The following GRIN2D variants were observed in gnomAD, a reference collection of about 807,000 sequenced individuals.
GRIN2D encodes glutamate receptor ionotropic, NMDA 2D.
A neutral mutation model predicts 103.2 loss-of-function variants in GRIN2D; 37 were observed. The observed-to-expected ratio is 0.36, with a 90% CI of 0.28 to 0.47. GRIN2D has a LOEUF of 0.47. Ranked by LOEUF, GRIN2D falls within the 20% of genes least tolerant of loss-of-function variation. The pLI is 1.00. For synonymous variants in GRIN2D, 845 were observed against 885.6 expected (o/e 0.95, Z 0.81); for missense variants, 1,557 against 1,910.6 (o/e 0.81, Z 3.45).
At position 48,414,229 on chromosome 19, in the gene GRIN2D, C is replaced by A; in HGVS notation, c.1200+124C>A. Reference sequence around the variant, plus strand: ...GACAAGGAGCCTGGACTCCTGGGTCCTGGGATCTGAAGGTGGGAGGGGCTC... The same window carrying A: ...GACAAGGAGCCTGGACTCCTGGGTCATGGGATCTGAAGGTGGGAGGGGCTC... On this transcript the variant is annotated intron_variant, in intron 5 of 13. Coordinates refer to ENST00000263269, the MANE Select transcript of GRIN2D (RefSeq NM_000836.4). This position sits in a 1 kb window ranked among gnomAD's most constrained non-coding sequence, Gnocchi z 4.6. 1 of 895,298 alleles carries A rather than the reference C, an allele frequency of 1.1e-6. No individual in the cohort carries two copies. The highest frequency in any genetic ancestry group is 1.8e-6 in the Non-Finnish European group (1 of 564,662). 55.5% of individuals were successfully genotyped at this position (895,298 alleles called of 1,614,324 possible).
chr19:48,409,731 C>T (rs1228727008), intron 4 of GRIN2D, among the ~76,000 whole-genome samples: 1 of 152,022 alleles, frequency 6.6e-6, no homozygotes, highest in South Asian at 2.1e-4. Context: ...GTTGCAGGGC[C>T]CAGCTTGTGA....
intron 9 of GRIN2D, 27 bp downstream of exon 9, chr19:48,419,386 C>T: frequency 6.3e-7 from 1 of 1,584,186 alleles, no homozygotes; most frequent in Non-Finnish European, 8.5e-7. Context: ...CCATCCCCCG[C>T]CTCGGAGATC....
At chr19:48,410,305 G>A (rs1280449014) in intron 4 of GRIN2D, among the ~76,000 whole-genome samples, 2 of 150,314 alleles carry the variant, frequency 1.3e-5, no homozygotes, top group Non-Finnish European at 3.0e-5. Context: ...CGAGGCGGGC[G>A]GATCACGAGG....
chr19:48,404,544 A>C (rs1018143507), intron 3 of GRIN2D, among the ~76,000 whole-genome samples, 190 bp from the exon 4 acceptor site: 1 of 152,200 alleles, frequency 6.6e-6, no homozygotes, highest in African/African-American at 2.4e-5. Context: ...TTTATGGATG[A>C]GTCTAGAATA....
intron 3 of GRIN2D, among the ~76,000 whole-genome samples, chr19:48,404,026 G>T (rs12983597): frequency 0.25 from 38,229 of 152,050 alleles, 5,168 homozygotes; most frequent in East Asian, 0.51. Flanking sequence ...GATCATCTGA[G>T]GTCAGGAGTT....
rs1334541206 is a variant in GRIN2D, at chr19:48,444,714, C to G, written c.*777C>G. The G allele has an allele frequency of 6.6e-6, 1 of 152,624 alleles. No individual in the cohort carries two copies. Among genetic ancestry groups the G allele is most frequent in the Non-Finnish European group, 1.5e-5 (1 of 68,262 alleles). 9.5% of individuals were successfully genotyped at this position (152,624 alleles called of 1,614,324 possible). A position where few individuals can be genotyped will look rare whatever the true frequency, so the allele number is the denominator to read the frequency against. On this transcript the variant is annotated 3_prime_UTR_variant, in exon 14 of 14. Transcript: ENST00000263269. This position sits in a 1 kb window ranked among gnomAD's most constrained non-coding sequence, Gnocchi z 5.5. ...ACCTCCGGACCACCCCACTTGCCACCAAGCACATCCTCTCCAAATCCAACC... is the reference window on the plus strand; with the variant it reads ...ACCTCCGGACCACCCCACTTGCCACGAAGCACATCCTCTCCAAATCCAACC...
Position 48,442,997 on chromosome 19 carries a change from TC to T in GRIN2D, c.3075del (p.Gly1026AlafsTer492). The T allele has an allele frequency of 2.8e-6, 3 of 1,065,516 alleles. No individual in the cohort carries two copies. Among genetic ancestry groups the T allele is most frequent in the South Asian group, 3.3e-5 (1 of 30,214 alleles). 66.0% of individuals were successfully genotyped at this position (1,065,516 alleles called of 1,614,324 possible). On this transcript the variant is annotated frameshift_variant, in exon 14 of 14. Transcript: ENST00000263269. LOFTEE classifies it high-confidence loss of function. This position sits in a 1 kb window ranked among gnomAD's most constrained non-coding sequence, Gnocchi z 7.2. ...KEPAEPPAGA[F>X]PGFPSPPAPP... The stretch of plus-strand genomic sequence containing the variant: ...CCAGCCGAGCCCCCCGCCGGCGCCT[TC>T]CCCGGCTTCCCGTCGCCGCCCGCGC...
intron 3 of GRIN2D, among the ~76,000 whole-genome samples, chr19:48,403,757 C>T (rs1970746927): frequency 6.6e-6 from 1 of 152,222 alleles, no homozygotes; most frequent in African/African-American, 2.4e-5. Flanking sequence ...ATACCATCAG[C>T]ACCCTCATTG....
intron 11 of GRIN2D, among the ~76,000 whole-genome samples, chr19:48,434,536 G>C (rs1971204906): frequency 6.6e-6 from 1 of 152,070 alleles, no homozygotes; most frequent in Non-Finnish European, 1.5e-5. Context: ...GGGATTACAG[G>C]CGTGAGCCAC....
intron 4 of GRIN2D, among the ~76,000 whole-genome samples, chr19:48,413,219 A>G (rs1970898512): frequency 6.9e-6 from 1 of 145,592 alleles, no homozygotes; most frequent in Admixed American, 7.0e-5. Context: ...TCATGCCTGT[A>G]ATCCCAACAC....
chr19:48,442,401 G>A lies in GRIN2D; in HGVS notation c.2673+19G>A, dbSNP rs1569074599. ...CTCCAGGGTATGGGGCAGAGAGGGA[G>A]GCAGAGAGGGGGAGATGGCAGGGGC... On this transcript the variant is annotated intron_variant, in intron 13 of 13. Coordinates refer to ENST00000263269, the MANE Select transcript of GRIN2D (RefSeq NM_000836.4). This position sits in a 1 kb window ranked among gnomAD's most constrained non-coding sequence, Gnocchi z 7.2. 6.3e-7 allele frequency: 1 copy of A among 1,594,736 alleles called. No individual in the cohort carries two copies. The highest frequency in any genetic ancestry group is 8.6e-7 in the Non-Finnish European group (1 of 1,169,236).
intron 11 of GRIN2D, 86 bp downstream of exon 11, chr19:48,422,031 C>A: frequency 7.3e-7 from 1 of 1,376,794 alleles, no homozygotes; most frequent in South Asian, 1.3e-5. Context: ...CAGGTTCATT[C>A]ATTCAGTCCC....
chr19:48,420,008 G>A (rs565883410), intron 10 of GRIN2D, among the ~76,000 whole-genome samples, 194 bp downstream of exon 10: 7 of 152,196 alleles, frequency 4.6e-5, no homozygotes, highest in African/African-American at 1.4e-4. Context: ...AAAGAACACG[G>A]TTCACGATGA....
intron 11 of GRIN2D, among the ~76,000 whole-genome samples, chr19:48,422,609 CA>C (rs551643081): frequency 0.17 from 20,439 of 122,086 alleles, 2,297 homozygotes; most frequent in African/African-American, 0.36. Flanking sequence ...GACTCCGTCT[CA>C]AAAAAAAAAA....
intron 4 of GRIN2D, among the ~76,000 whole-genome samples, chr19:48,412,850 G>A (rs1414577538): frequency 6.8e-6 from 1 of 147,108 alleles, no homozygotes; most frequent in Non-Finnish European, 1.5e-5. Flanking sequence ...AAAAGAAAGA[G>A]GAGGGCATGG....
chr19:48,400,648 G>T (rs1569058383), intron 3 of GRIN2D, among the ~76,000 whole-genome samples: 1 of 152,166 alleles, frequency 6.6e-6, no homozygotes, highest in Admixed American at 6.5e-5. Context: ...TCCCCGTGCT[G>T]CCCCTGGATG....
In GRIN2D at chr19:48,393,834, C is replaced by A. The variant is rs1274937999; in HGVS notation, c.-340C>A. On this transcript the variant is annotated 5_prime_UTR_variant, in exon 1 of 14. Transcript: ENST00000263269. This position sits in a 1 kb window ranked among gnomAD's most constrained non-coding sequence, Gnocchi z 5.6. ...TGTTGCCTGGGTAGGTCGGCCCGGCCCCCAGGGGTCTCTCGAGCGTCTGCC... is the reference window on the plus strand; with the variant it reads ...TGTTGCCTGGGTAGGTCGGCCCGGCACCCAGGGGTCTCTCGAGCGTCTGCC... Among the ~76,000 whole-genome samples, 1 of 152,016 alleles carries A rather than the reference C, an allele frequency of 6.6e-6. No homozygotes were observed. The highest frequency in any genetic ancestry group is 1.5e-5 in the Non-Finnish European group (1 of 67,988).
intron 11 of GRIN2D, among the ~76,000 whole-genome samples, chr19:48,434,294 C>T (rs1454752791): frequency 2.0e-5 from 3 of 152,040 alleles, no homozygotes; most frequent in African/African-American, 7.2e-5. Flanking sequence ...CGCTCTGTCA[C>T]CCAGGCTGGA....
intron 11 of GRIN2D, among the ~76,000 whole-genome samples, chr19:48,436,138 G>A (rs577373723): frequency 3.3e-5 from 5 of 152,292 alleles, no homozygotes; most frequent in South Asian, 4.1e-4. Context: ...AGTCATTCAC[G>A]CAGAGCCGGC....
Sources: allele counts gnomAD v4.1 joint callset (sites outside exome capture counted in the v4.1 genomes callset), GRCh38; gene constraint gnomAD v4.1.1; non-coding constraint Gnocchi (gnomAD v3.1); transcripts MANE v1.5; gene names NCBI Gene and HGNC (gene_info 2026-07-23, HGNC 2026-07-21).